The following SLC27A1 variants were observed in gnomAD, a reference collection of about 807,000 sequenced individuals.
SLC27A1 encodes the protein long-chain fatty acid transport protein 1.
A neutral mutation model predicts 62.2 loss-of-function variants in SLC27A1; 61 were observed. That is an observed-to-expected ratio of 0.98 (90% CI 0.80 to 1.21). The LOEUF is 1.21. Ranked by LOEUF, SLC27A1 falls within the 50% of genes most tolerant of loss-of-function variation. The probability of loss-of-function intolerance (pLI) is 0.00; values close to 1 mark genes in which losing one functional copy is unlikely to be tolerated. For synonymous variants in SLC27A1, 435 were observed against 408.6 expected, an observed-to-expected ratio of 1.06 and a Z score of -0.78; for missense variants, 903 against 932.1, an observed-to-expected ratio of 0.97 and a Z score of 0.41.
rs563356788 is a variant in SLC27A1, at chr19:17,479,636, C to G, written c.168-6927C>G. The stretch of plus-strand genomic sequence containing the variant: ...CATACTTCATATTCTATTGTTGTTT[C>G]TTTCTCCCTCTCTCTCTCAATTTTT... On this transcript the variant is annotated intron_variant, in intron 1 of 11. Transcript: ENST00000252595. Among the ~76,000 whole-genome samples, 3 of 107,558 alleles carry G rather than the reference C, an allele frequency of 2.8e-5. No homozygotes were observed. In the East Asian group the frequency reaches 6.2e-4, roughly 22 times the overall value. The allele number at this position is 107,558 out of a possible 152,430, so 70.6% of individuals were successfully genotyped here.
At position 17,504,748 on chromosome 19, in the gene SLC27A1, G is replaced by A; in HGVS notation, c.*136G>A. On this transcript the variant is annotated 3_prime_UTR_variant, in exon 12 of 12. Transcript: ENST00000252595. ...TACCTGGCACGGCCCATCCTGGACTGAGAAACTGGAACCTCAGAGGAACCC... is the reference window on the plus strand; with the variant it reads ...TACCTGGCACGGCCCATCCTGGACTAAGAAACTGGAACCTCAGAGGAACCC... The A allele has an allele frequency of 8.5e-7, 1 of 1,173,686 alleles. No individual in the cohort carries two copies. The highest frequency in any genetic ancestry group is 1.2e-6 in the Non-Finnish European group (1 of 812,954). 72.7% of individuals were successfully genotyped at this position (1,173,686 alleles called of 1,614,324 possible). A position where few individuals can be genotyped will look rare whatever the true frequency, so the allele number is the denominator to read the frequency against.
intron 11 of SLC27A1, among the ~76,000 whole-genome samples, chr19:17,503,893 C>G (rs1480627653): frequency 6.9e-6 from 1 of 144,254 alleles, no homozygotes; most frequent in Non-Finnish European, 1.5e-5. Flanking sequence ...GATCACACCA[C>G]TGCACTCCAG....
At chr19:17,471,038 A>T (rs2075071548) in intron 1 of SLC27A1, among the ~76,000 whole-genome samples, 1 of 149,704 alleles carries the variant, frequency 6.7e-6, no homozygotes, top group Admixed American at 6.7e-5. Flanking sequence ...CAACTGGTGG[A>T]AATTCCAGGG....
At chr19:17,503,573 C>A (rs1481196694) in intron 11 of SLC27A1, 3 of 151,782 alleles carry the variant, frequency 2.0e-5, no homozygotes, top group African/African-American at 7.3e-5. Context: ...GATTCTCCCA[C>A]CTCAGCCTCC....
rs914182809 is a variant in SLC27A1 at position 17,486,073 on chromosome 19, A to G, written c.168-490A>G. 6.6e-6 allele frequency among the ~76,000 whole-genome samples: 1 copy of G among 152,030 alleles called. No homozygotes were observed. The highest frequency in any genetic ancestry group is 1.9e-4 in the East Asian group (1 of 5,166). On this transcript the variant is annotated intron_variant, in intron 1 of 11. Coordinates refer to ENST00000252595, the MANE Select transcript of SLC27A1 (RefSeq NM_198580.3). This position sits in a 1 kb window ranked among gnomAD's most constrained non-coding sequence, Gnocchi z 6.6. ...CCTGGCCCTACCTGGGGCAGGGGCA[A>G]TCCCTCCCCAGTTGGGGGCACACGT...
At chr19:17,487,621 C>T in intron 4 of SLC27A1, 92 bp downstream of exon 4, 1 of 1,253,754 alleles carries the variant, frequency 8.0e-7, no homozygotes, top group Non-Finnish European at 1.1e-6. Context: ...CTGTGGGCAT[C>T]TCCATGTTAC....
At position 17,504,441 on chromosome 19, in the gene SLC27A1, C is replaced by A. The variant is rs1446984851; in HGVS notation, c.1784-14C>A. The A allele has an allele frequency of 6.2e-7, 1 of 1,613,934 alleles. No homozygotes were observed. The highest frequency in any genetic ancestry group is 1.3e-5 in the African/African-American group (1 of 74,910). On this transcript the variant is annotated splice_polypyrimidine_tract_variant and intron_variant, in intron 11 of 11. Coordinates refer to ENST00000252595, the MANE Select transcript of SLC27A1 (RefSeq NM_198580.3). ...ACCTGCTCAGCCCTTATCTGCCCCC[C>A]ATCCCCACTATAGGCACCTTCAAGA...
At chr19:17,480,438 A>G (rs555695886) in intron 1 of SLC27A1, among the ~76,000 whole-genome samples, 213 of 149,218 alleles carry the variant, frequency 1.4e-3, no homozygotes, top group African/African-American at 4.9e-3. Flanking sequence ...TGGCATTATC[A>G]TGGCTCACTG....
chr19:17,482,157 A>C (rs2075184503), intron 1 of SLC27A1, among the ~76,000 whole-genome samples: 1 of 152,122 alleles, frequency 6.6e-6, no homozygotes, highest in Non-Finnish European at 1.5e-5. Context: ...TGCCCTGTCT[A>C]CCCAGTATAG....
rs753470748 is a variant in SLC27A1 at position 17,487,038 on chromosome 19, C to A, written c.562+81C>A. 2.6e-6 allele frequency: 4 copies of A among 1,543,212 alleles called. No individual in the cohort carries two copies. In the South Asian group the frequency reaches 4.9e-5, roughly 19 times the overall value. Reference sequence around the variant, plus strand: ...GGCGGGGAGATGCTGCGCCCCAGGCCTCGGAAGGCGGCCGCCCTGGACGTG... The same window carrying A: ...GGCGGGGAGATGCTGCGCCCCAGGCATCGGAAGGCGGCCGCCCTGGACGTG... On this transcript the variant is annotated intron_variant, in intron 2 of 11. Transcript: ENST00000252595.
chr19:17,475,571 C>T (rs1016209434), intron 1 of SLC27A1, among the ~76,000 whole-genome samples: 7 of 152,092 alleles, frequency 4.6e-5, no homozygotes, highest in Non-Finnish European at 7.4e-5. Context: ...CCATTTAACA[C>T]GTGAGAGAAC....
At chr19:17,479,667 A>G (rs2075157174) in intron 1 of SLC27A1, among the ~76,000 whole-genome samples, 1 of 151,912 alleles carries the variant, frequency 6.6e-6, no homozygotes, top group Non-Finnish European at 1.5e-5. Context: ...TTTTTTTAAG[A>G]TGAGTCTTGC....
intron 4 of SLC27A1, 65 bp downstream of exon 4, chr19:17,487,594 G>A: frequency 3.3e-6 from 5 of 1,506,118 alleles, no homozygotes; most frequent in Non-Finnish European, 4.5e-6. Context: ...TTGCCAGCCT[G>A]ACCTGCCCCT....
At chr19:17,469,903 G>C (rs1033776852), upstream of SLC27A1, among the ~76,000 whole-genome samples, 12 of 148,584 alleles carry the variant, frequency 8.1e-5, no homozygotes, top group African/African-American at 2.5e-4. Context: ...TGCTTATTGC[G>C]GGGGGGTGGG....
intron 6 of SLC27A1, among the ~76,000 whole-genome samples, chr19:17,495,057 C>T (rs1429766965): frequency 2.6e-5 from 4 of 151,576 alleles, no homozygotes; most frequent in Non-Finnish European, 5.9e-5. Context: ...ACTGCAACCT[C>T]TGCCTCTCGG....
Position 17,486,580 on chromosome 19 carries a change from T to G in SLC27A1, c.185T>G (p.Ile62Ser). 1 of 1,589,566 alleles carries G rather than the reference T, an allele frequency of 6.3e-7. No homozygotes were observed. Among genetic ancestry groups the G allele is most frequent in the Non-Finnish European group, 8.5e-7 (1 of 1,175,630 alleles). ...RRDLFGLSVLIRVRLELRRHQ... is the reference protein window; with the variant it reads ...RRDLFGLSVLSRVRLELRRHQ... ...CCTCCCAGCGGTCTCTCTGTGCTGA[T>G]CCGCGTGCGCCTGGAGCTGCGGCGG... is the stretch of plus-strand genomic sequence containing the variant. The change falls in exon 2 of 12, where the codon ATC becomes AGC. Residue 62 changes from isoleucine to serine, a missense_variant. Physicochemically the swap from Ile to Ser is moderately radical, Grantham distance 142. Coordinates refer to ENST00000252595, the MANE Select transcript of SLC27A1 (RefSeq NM_198580.3). The surrounding 1 kb of genome is among the most constrained non-coding windows in gnomAD (Gnocchi z 6.6).
Position 17,504,649 on chromosome 19 carries a change from T to A in SLC27A1, c.*37T>A. On this transcript the variant is annotated 3_prime_UTR_variant, in exon 12 of 12. Transcript: ENST00000252595. ...TACTGGCCACAAACTCTGGGCCTGG[T>A]GGGAGAGGCCAGCTTGAGCCAGACA... is the stretch of plus-strand genomic sequence containing the variant. 1 of 1,613,176 alleles carries A rather than the reference T, an allele frequency of 6.2e-7. No homozygotes were observed. The highest frequency in any genetic ancestry group is 8.5e-7 in the Non-Finnish European group (1 of 1,179,722).
At chr19:17,492,973 A>G (rs967642246) in intron 6 of SLC27A1, among the ~76,000 whole-genome samples, 1 of 151,018 alleles carries the variant, frequency 6.6e-6, no homozygotes, top group Non-Finnish European at 1.5e-5. Flanking sequence ...AGGATGGGAA[A>G]TTAGCCAGGT....
intron 1 of SLC27A1, among the ~76,000 whole-genome samples, chr19:17,472,327 G>A (rs146536757): frequency 0.019 from 2,856 of 151,376 alleles, 97 homozygotes; most frequent in African/African-American, 0.066. Context: ...CCCCGGAGGC[G>A]GAGCTTGCAG....
Sources: allele counts gnomAD v4.1 joint callset (sites outside exome capture counted in the v4.1 genomes callset), GRCh38; gene constraint gnomAD v4.1.1; non-coding constraint Gnocchi (gnomAD v3.1); transcripts MANE v1.5; gene names NCBI Gene and HGNC (gene_info 2026-07-23, HGNC 2026-07-21).